The following NRXN1 variants were observed in gnomAD, a reference collection of about 807,000 sequenced individuals.
NRXN1 encodes the protein neurexin-1.
A neutral mutation model predicts 150.9 loss-of-function variants in NRXN1; 39 were observed. That is an observed-to-expected ratio of 0.26 (90% CI 0.20 to 0.34). NRXN1 has a LOEUF of 0.34. NRXN1 is among the 10% of genes least tolerant of loss of function. The pLI, the probability that NRXN1 is intolerant of heterozygous loss-of-function variation, is 1.00. For synonymous variants in NRXN1, 924 were observed against 757.0 expected (o/e 1.22, Z -3.62); for missense variants, 1,815 against 1,949.9 (o/e 0.93, Z 1.30).
At chr2:50,843,859 T>C (rs1673231218) in intron 5 of NRXN1, among the ~76,000 whole-genome samples, 1 of 152,158 alleles carries the variant, frequency 6.6e-6, no homozygotes, top group Non-Finnish European at 1.5e-5. Flanking sequence ...CGTCTCACAA[T>C]GCTATTTCCA....
intron 22 of NRXN1, among the ~76,000 whole-genome samples, chr2:49,940,809 T>A (rs769506533): frequency 1.6e-4 from 24 of 152,178 alleles, no homozygotes; most frequent in Non-Finnish European, 3.4e-4. Flanking sequence ...GTGAAACAAT[T>A]TATGGCATAT....
intron 17 of NRXN1, among the ~76,000 whole-genome samples, chr2:50,310,850 A>C (rs961513658): frequency 6.6e-6 from 1 of 152,290 alleles, no homozygotes; most frequent in East Asian, 1.9e-4. Flanking sequence ...ATCACATCTT[A>C]CCTTATAAGA....
Position 49,922,081 on chromosome 2 carries a change from A to G in NRXN1, c.4387T>C (p.Tyr1463His), listed in dbSNP as rs1180768844. The change falls in exon 23 of 23, where the codon TAC becomes CAC. Residue 1463 changes from tyrosine to histidine, a missense_variant. By Grantham distance (83) the Tyr-to-His change is moderately conservative. Transcript: ENST00000401669. ...YKYRNRDEGS[Y>H]HVDESRNYIS... ...TAGTTTCGACTCTCGTCCACATGGT[A>G]TGAGCCTTCATCCCGGTTTCTGTAC... 1 of 1,614,026 alleles carries G rather than the reference A, an allele frequency of 6.2e-7. No individual in the cohort carries two copies. The highest frequency in any genetic ancestry group is 1.3e-5 in the African/African-American group (1 of 74,916).
chr2:50,548,536 A>C (rs2093544114), intron 9 of NRXN1, among the ~76,000 whole-genome samples: 1 of 152,078 alleles, frequency 6.6e-6, no homozygotes, highest in Non-Finnish European at 1.5e-5. Flanking sequence ...AATTTATTTT[A>C]TTTTATTTTT....
intron 5 of NRXN1, among the ~76,000 whole-genome samples, chr2:50,804,296 A>C (rs552516311): frequency 3.3e-5 from 5 of 152,322 alleles, no homozygotes; most frequent in Admixed American, 3.3e-4. Context: ...GCGAGTTTAA[A>C]ATAACAAGAG....
intron 2 of NRXN1, among the ~76,000 whole-genome samples, chr2:51,006,288 C>T (rs543910912): frequency 1.3e-5 from 2 of 151,152 alleles, no homozygotes; most frequent in East Asian, 2.0e-4. Context: ...AGTAAACTAT[C>T]GCAAGGACAA....
At position 50,186,985 on chromosome 2, in the gene NRXN1, C is replaced by T. The variant is rs545730830; in HGVS notation, c.3546+49804G>A. Among the ~76,000 whole-genome samples, 9 of 152,102 alleles carry T rather than the reference C, an allele frequency of 5.9e-5. No homozygotes were observed. In the South Asian group the frequency reaches 8.3e-4, roughly 14 times the overall value. On this transcript the variant is annotated intron_variant, in intron 18 of 22. Coordinates refer to ENST00000401669, the MANE Select transcript of NRXN1 (RefSeq NM_001330078.2). Reference sequence around the variant, plus strand: ...TATAAAGATGGTTCCTGGCATTAAACAACATCTGCAAAACAGTGAGCAAGA... The same window carrying T: ...TATAAAGATGGTTCCTGGCATTAAATAACATCTGCAAAACAGTGAGCAAGA...
intron 5 of NRXN1, among the ~76,000 whole-genome samples, chr2:50,626,124 T>A (rs1424976237): frequency 6.6e-6 from 1 of 151,922 alleles, no homozygotes; most frequent in Non-Finnish European, 1.5e-5. Flanking sequence ...ATTGAAACAC[T>A]AAAATAATCT....
At chr2:50,061,692 T>C (rs1421562686) in intron 19 of NRXN1, among the ~76,000 whole-genome samples, 1 of 152,174 alleles carries the variant, frequency 6.6e-6, no homozygotes, top group African/African-American at 2.4e-5. Context: ...AGCAGAGCCT[T>C]CTCATTGAAT....
chr2:50,798,329 T>A lies in NRXN1; in HGVS notation c.832+123540A>T, dbSNP rs184365656. 1.3e-3 allele frequency among the ~76,000 whole-genome samples: 192 copies of A among 152,316 alleles called. 2 individuals are homozygous for A. The highest frequency in any genetic ancestry group is 3.2e-4 in the Non-Finnish European group (22 of 68,020). Reference sequence around the variant, plus strand: ...TTATTTTGTATAATTAGAAAAAGCTTCTACCTTTCTTAACCAGAAATTGCT... The same window carrying A: ...TTATTTTGTATAATTAGAAAAAGCTACTACCTTTCTTAACCAGAAATTGCT... On this transcript the variant is annotated intron_variant, in intron 5 of 22. Transcript: ENST00000401669.
At chr2:50,543,995 T>C (rs945768161) in intron 9 of NRXN1, among the ~76,000 whole-genome samples, 1 of 152,274 alleles carries the variant, frequency 6.6e-6, no homozygotes, top group South Asian at 2.1e-4. Context: ...GGCTTCAATG[T>C]GGCTCTTATG....
chr2:50,978,271 CATATAT>C (rs10671122), intron 2 of NRXN1, among the ~76,000 whole-genome samples: 6,228 of 94,892 alleles, frequency 0.066, 331 homozygotes, highest in African/African-American at 0.1. Flanking sequence ...GGATATTATA[CATATAT>C]ATATATATAT....
At chr2:50,552,563 A>G (rs200183480) in intron 9 of NRXN1, 24 bp downstream of exon 9, 2 of 1,576,204 alleles carry the variant, frequency 1.3e-6, no homozygotes, top group Non-Finnish European at 1.7e-6. Flanking sequence ...GCAGATAAAC[A>G]GCATAGAAAA....
intron 17 of NRXN1, among the ~76,000 whole-genome samples, chr2:50,382,199 A>C (rs995491364): frequency 1.3e-5 from 2 of 152,220 alleles, no homozygotes; most frequent in African/African-American, 4.8e-5. Context: ...CTAGCATACA[A>C]TGTCTACTAT....
intron 17 of NRXN1, among the ~76,000 whole-genome samples, chr2:50,261,857 G>C (rs2068323001): frequency 6.6e-6 from 1 of 151,836 alleles, no homozygotes; most frequent in African/African-American, 2.4e-5. Flanking sequence ...CTTGAATCAG[G>C]AAACTATAGA....
At chr2:50,176,513 C>G (rs1440307588) in intron 18 of NRXN1, among the ~76,000 whole-genome samples, 1 of 151,896 alleles carries the variant, frequency 6.6e-6, no homozygotes, top group Non-Finnish European at 1.5e-5. Flanking sequence ...TGGTGACAAC[C>G]AAAAATGTCT....
intron 2 of NRXN1, among the ~76,000 whole-genome samples, chr2:50,954,180 C>G (rs1047368623): frequency 6.6e-6 from 1 of 152,086 alleles, no homozygotes; most frequent in Non-Finnish European, 1.5e-5. Flanking sequence ...AATCTCACTC[C>G]TTATTTTCAT....
Position 50,398,236 on chromosome 2 carries a change from C to T in NRXN1, c.3364+67206G>A, listed in dbSNP as rs1005684268. On this transcript the variant is annotated intron_variant, in intron 17 of 22. Transcript: ENST00000401669. ...TTATTTTGCATTTCCACTAAGGTCA[C>T]GGTTTTCATAGATTCAAACAGCAAG... is the stretch of plus-strand genomic sequence containing the variant. 3.3e-5 allele frequency among the ~76,000 whole-genome samples: 5 copies of T among 152,094 alleles called. No individual in the cohort carries two copies. In the South Asian group the frequency reaches 8.3e-4, roughly 25 times the overall value.
chr2:50,026,509 G>A (rs941059706), intron 21 of NRXN1, among the ~76,000 whole-genome samples: 1 of 152,010 alleles, frequency 6.6e-6, no homozygotes, highest in African/African-American at 2.4e-5. Flanking sequence ...TTATTTAGGG[G>A]GAACATTTCA....
Sources: allele counts gnomAD v4.1 joint callset (sites outside exome capture counted in the v4.1 genomes callset), GRCh38; gene constraint gnomAD v4.1.1; transcripts MANE v1.5; gene names NCBI Gene and HGNC (gene_info 2026-07-23, HGNC 2026-07-21).